Variants in PDZD2 observed in about 807,000 individuals in gnomAD.
PDZD2 encodes the protein PDZ domain-containing protein 2.
Under a neutral mutation model 220.7 loss-of-function variants are expected in PDZD2, and 90 were observed. That is an observed-to-expected ratio of 0.41 (90% CI 0.34 to 0.49). The LOEUF (loss-of-function observed/expected upper bound fraction) is 0.49. PDZD2 is among the 20% of genes least tolerant of loss of function. PDZD2 has a pLI of 0.28. For synonymous variants in PDZD2, 1,375 were observed against 1,450.5 expected (o/e 0.95, Z 1.18); for missense variants, 3,174 against 3,608.5 (o/e 0.88, Z 3.08).
intron 1 of PDZD2, among the ~76,000 whole-genome samples, chr5:31,767,647 G>A (rs746601734): frequency 2.2e-4 from 33 of 152,142 alleles, no homozygotes; most frequent in Non-Finnish European, 3.2e-4. Context: ...AGATCAGTCC[G>A]TCAACGTAAG....
In PDZD2 at chr5:31,881,377, T is replaced by A. The variant is rs1401738335; in HGVS notation, c.476+81653T>A. Among the ~76,000 whole-genome samples, 287 of 147,906 alleles carry A rather than the reference T, an allele frequency of 1.9e-3. 5 individuals are homozygous for A. The highest frequency in any genetic ancestry group is 7.2e-3 in the African/African-American group (281 of 38,964). ...GTGTGTGTGTGTGTGTGTATATATT[T>A]TTTTTTTTTTTGAGATGGAGTTTTG... On this transcript the variant is annotated intron_variant, in intron 2 of 24. Transcript: ENST00000438447.
chr5:31,678,596 G>A (rs887385114), intron 1 of PDZD2, among the ~76,000 whole-genome samples: 13 of 152,128 alleles, frequency 8.5e-5, no homozygotes, highest in African/African-American at 3.1e-4. Flanking sequence ...CAGCCTGGGT[G>A]TTTTCAGTGG....
chr5:31,664,896 T>C (rs923922496), intron 1 of PDZD2: 10 of 152,248 alleles, frequency 6.6e-5, no homozygotes, highest in African/African-American at 1.4e-4. Context: ...AGAAGGTGCA[T>C]CTACTTCTGA....
At position 31,974,174 on chromosome 5, in the gene PDZD2, T is replaced by C. The variant is rs140252374; in HGVS notation, c.477-8981T>C. ...TTTTGTATTTTTAGTAGAGATGGGG[T>C]TTCACCATGTTGACCGGGCTGGTCT... is the stretch of plus-strand genomic sequence containing the variant. On this transcript the variant is annotated intron_variant, in intron 2 of 24. Coordinates refer to ENST00000438447, the MANE Select transcript of PDZD2 (RefSeq NM_178140.4). 4.3e-3 allele frequency among the ~76,000 whole-genome samples: 649 copies of C among 152,138 alleles called. 2 individuals carry two copies. The highest frequency in any genetic ancestry group is 0.015 in the African/African-American group (613 of 41,508).
chr5:31,677,660 G>A (rs1746486922), intron 1 of PDZD2, among the ~76,000 whole-genome samples: 1 of 151,854 alleles, frequency 6.6e-6, no homozygotes, highest in African/African-American at 2.4e-5. Context: ...ATATCCATGT[G>A]ATGGAGTACT....
intron 1 of PDZD2, among the ~76,000 whole-genome samples, chr5:31,645,591 T>C (rs1454013026): frequency 1.3e-5 from 2 of 152,182 alleles, no homozygotes; most frequent in African/African-American, 4.8e-5. Flanking sequence ...TGCCTTGGCC[T>C]CCCGAGGTGC....
At chr5:32,053,040 A>G (rs1271785101) in intron 9 of PDZD2, among the ~76,000 whole-genome samples, 1 of 152,226 alleles carries the variant, frequency 6.6e-6, no homozygotes, top group Non-Finnish European at 1.5e-5. Flanking sequence ...AACAGGTATA[A>G]AGAAGGACCG....
At chr5:31,944,904 C>A (rs1180150850) in intron 2 of PDZD2, among the ~76,000 whole-genome samples, 2 of 152,234 alleles carry the variant, frequency 1.3e-5, no homozygotes, top group African/African-American at 4.8e-5. Flanking sequence ...TTACCTCAGC[C>A]CTGCTGGGTG....
intron 5 of PDZD2, among the ~76,000 whole-genome samples, chr5:32,002,196 T>C (rs1181280617): frequency 2.6e-5 from 4 of 152,176 alleles, no homozygotes; most frequent in Non-Finnish European, 5.9e-5. Context: ...ACCTAGACTC[T>C]CAGACTTCCA....
chr5:31,940,224 G>C (rs1746099999), intron 2 of PDZD2, among the ~76,000 whole-genome samples: 1 of 152,178 alleles, frequency 6.6e-6, no homozygotes, highest in Non-Finnish European at 1.5e-5. Context: ...CTCCCTCCAT[G>C]GACATGGCAA....
rs141437256 is a variant in PDZD2, at chr5:31,743,267, C to T, written c.-360-55622C>T. On this transcript the variant is annotated intron_variant, in intron 1 of 24. Transcript: ENST00000438447. Reference sequence around the variant, plus strand: ...TGGCTCACTGAAGCCTCAACCTTCCCGGGCTCAGGTGATCCTCCAGCCTCA... The same window carrying T: ...TGGCTCACTGAAGCCTCAACCTTCCTGGGCTCAGGTGATCCTCCAGCCTCA... 8.6e-4 allele frequency among the ~76,000 whole-genome samples: 131 copies of T among 152,088 alleles called. 2 individuals carry two copies. The highest frequency in any genetic ancestry group is 2.8e-3 in the African/African-American group (118 of 41,486).
At chr5:31,881,366 G>GTA (rs1401510797) in intron 2 of PDZD2, among the ~76,000 whole-genome samples, 50 of 98,818 alleles carry the variant, frequency 5.1e-4, no homozygotes, top group African/African-American at 2.4e-3. Flanking sequence ...GTGTGTGTGT[G>GTA]TGTATATATT....
intron 2 of PDZD2, among the ~76,000 whole-genome samples, chr5:31,963,951 C>T (rs1040400737): frequency 1.3e-5 from 2 of 152,316 alleles, no homozygotes; most frequent in South Asian, 4.1e-4. Context: ...AAGGGGCCAG[C>T]AGGGGCTCTG....
intron 2 of PDZD2, among the ~76,000 whole-genome samples, chr5:31,971,588 T>A (rs1749303012): frequency 6.6e-6 from 1 of 152,210 alleles, no homozygotes; most frequent in South Asian, 2.1e-4. Context: ...TAATTGATGA[T>A]GATTTTGGCC....
chr5:31,666,674 C>T lies in PDZD2; in HGVS notation c.-361+27237C>T, dbSNP rs534134618. 3.3e-5 allele frequency among the ~76,000 whole-genome samples: 5 copies of T among 152,310 alleles called. No individual in the cohort carries two copies. The East Asian group carries it at 9.7e-4, about 29-fold the overall frequency. The stretch of plus-strand genomic sequence containing the variant: ...AGTCGGTTTCTCTTATTCTACGCTC[C>T]AGTCTGAAAGCATGGTTTTCTGAGG... On this transcript the variant is annotated intron_variant, in intron 1 of 24. Coordinates refer to ENST00000438447, the MANE Select transcript of PDZD2 (RefSeq NM_178140.4).
chr5:31,821,180 G>A (rs1274910178), intron 2 of PDZD2, among the ~76,000 whole-genome samples: 1 of 151,784 alleles, frequency 6.6e-6, no homozygotes, highest in Non-Finnish European at 1.5e-5. Context: ...TTAGGATGAT[G>A]TCATTTTCCC....
At chr5:31,991,958 A>C (rs1048640310) in intron 3 of PDZD2, among the ~76,000 whole-genome samples, 4 of 152,204 alleles carry the variant, frequency 2.6e-5, no homozygotes, top group African/African-American at 9.6e-5. Flanking sequence ...ACTTGAACCC[A>C]GGAGGCAGAG....
At chr5:31,802,134 T>C (rs899361582) in intron 2 of PDZD2, among the ~76,000 whole-genome samples, 2 of 152,142 alleles carry the variant, frequency 1.3e-5, no homozygotes, top group African/African-American at 4.8e-5. Context: ...AGCAGTGGAC[T>C]GGGTTTGGGA....
At chr5:31,905,115 C>T (rs1272084621) in intron 2 of PDZD2, among the ~76,000 whole-genome samples, 1 of 151,876 alleles carries the variant, frequency 6.6e-6, no homozygotes, top group Non-Finnish European at 1.5e-5. Flanking sequence ...ATTACAGGCA[C>T]TCACCACCAC....
Sources: allele counts gnomAD v4.1 joint callset (sites outside exome capture counted in the v4.1 genomes callset), GRCh38; gene constraint gnomAD v4.1.1; transcripts MANE v1.5; gene names NCBI Gene and HGNC (gene_info 2026-07-23, HGNC 2026-07-21).